Variants in MCHR2 observed in about 807,000 individuals in gnomAD.
MCHR2 encodes melanin-concentrating hormone receptor 2.
Under a neutral mutation model 24.8 loss-of-function variants are expected in MCHR2, and 15 were observed. That is an observed-to-expected ratio of 0.60 (90% confidence interval 0.40 to 0.93). The LOEUF (loss-of-function observed/expected upper bound fraction) is 0.93, where lower values mean the gene tolerates loss of function less well. MCHR2 is among the 40% of genes least tolerant of loss of function. MCHR2 has a pLI of 0.00. For missense variants in MCHR2, 386 were observed against 408.7 expected, an observed-to-expected ratio of 0.94 and a Z score of 0.48; for synonymous variants, 151 against 147.6, an observed-to-expected ratio of 1.02 and a Z score of -0.17.
intron 1 of MCHR2, among the ~76,000 whole-genome samples, chr6:99,970,957 T>G (rs1016982933): frequency 3.7e-4 from 56 of 152,328 alleles, no homozygotes; most frequent in African/African-American, 1.1e-3. Context: ...CTGTTTTGGT[T>G]ACTGTAGCCT....
chr6:99,953,945 G>A lies in MCHR2; in HGVS notation c.182+2021C>T, dbSNP rs182741578. 4.6e-5 allele frequency among the ~76,000 whole-genome samples: 7 copies of A among 152,172 alleles called. No homozygotes were observed. The East Asian group carries it at 1.4e-3, about 29-fold the overall frequency. On this transcript the variant is annotated intron_variant, in intron 2 of 5. Transcript: ENST00000281806. ...CTCTACTTCTAACTGCAGAGATAGC[G>A]AAACTGAAGGTTTGAGAGAGGGCTG...
In MCHR2 at chr6:99,971,702, A is replaced by G. The variant is rs573919410; in HGVS notation, c.-27-15528T>C. 3.9e-5 allele frequency among the ~76,000 whole-genome samples: 6 copies of G among 152,320 alleles called. No homozygotes were observed. In the East Asian group the frequency reaches 1.2e-3, roughly 29 times the overall value. On this transcript the variant is annotated intron_variant, in intron 1 of 5. Coordinates refer to ENST00000281806, the MANE Select transcript of MCHR2 (RefSeq NM_001040179.2). Reference sequence around the variant, plus strand: ...ACATGATATTTGCTGTGGGCTTGTCATAGATAGCTCTTATGATTTTGAGAT... The same window carrying G: ...ACATGATATTTGCTGTGGGCTTGTCGTAGATAGCTCTTATGATTTTGAGAT...
intron 1 of MCHR2, among the ~76,000 whole-genome samples, chr6:99,983,647 C>T (rs972783255): frequency 2.2e-4 from 34 of 152,124 alleles, no homozygotes; most frequent in African/African-American, 8.0e-4. Context: ...AGTTGGTTTC[C>T]TGGCAACAAC....
chr6:99,943,850 G>A (rs1426025220), intron 3 of MCHR2, among the ~76,000 whole-genome samples: 2 of 152,124 alleles, frequency 1.3e-5, no homozygotes, highest in Non-Finnish European at 2.9e-5. Flanking sequence ...GGAAAACTTT[G>A]TCTCTGAACA....
At chr6:99,968,563 G>C (rs760865981) in intron 1 of MCHR2, among the ~76,000 whole-genome samples, 1 of 152,098 alleles carries the variant, frequency 6.6e-6, no homozygotes, top group African/African-American at 2.4e-5. Context: ...AATACACCAT[G>C]AGTTGGTGAT....
chr6:99,928,048 T>C (rs1383545733), intron 5 of MCHR2, among the ~76,000 whole-genome samples: 1 of 152,064 alleles, frequency 6.6e-6, no homozygotes, highest in Admixed American at 6.6e-5. Flanking sequence ...TAGCATGAAG[T>C]GTTGTTGAAT....
At chr6:99,935,722 C>T (rs573471525) in intron 4 of MCHR2, among the ~76,000 whole-genome samples, 1 of 151,922 alleles carries the variant, frequency 6.6e-6, no homozygotes, top group South Asian at 2.1e-4. Context: ...TGGATATAAA[C>T]CCAGTAGTGG....
rs199634770 is a variant in MCHR2 at position 99,947,862 on chromosome 6, C to G, written c.292G>C (p.Glu98Gln). The G allele has an allele frequency of 9.9e-6, 16 of 1,613,686 alleles. No homozygotes were observed. The highest frequency in any genetic ancestry group is 1.4e-5 in the Non-Finnish European group (16 of 1,179,818). The stretch of plus-strand genomic sequence containing the variant: ...CAGAGAGGCCCCCCAAACACCCACT[C>G]TCCCCCTCGGGCCCATTGGTGAATA... ...FLIHQWARGG[E>Q]WVFGGPLCTI... Residue 98 changes from glutamate (E) to glutamine (Q), a missense_variant, in exon 3 of 6, where the codon GAG becomes CAG. Glu to Gln is a conservative substitution (Grantham distance 29). Coordinates refer to ENST00000281806, the MANE Select transcript of MCHR2 (RefSeq NM_001040179.2).
chr6:99,952,703 CAAAT>C (rs908947678), intron 2 of MCHR2, among the ~76,000 whole-genome samples: 2 of 151,834 alleles, frequency 1.3e-5, no homozygotes, highest in African/African-American at 4.8e-5. Flanking sequence ...AATTCCTAGC[CAAAT>C]AAATAAATAA....
chr6:99,928,321 G>A (rs576138509), intron 5 of MCHR2, among the ~76,000 whole-genome samples: 66 of 152,148 alleles, frequency 4.3e-4, no homozygotes, highest in African/African-American at 1.3e-3. Context: ...GTTTCTGCCC[G>A]GCTTTGGTAT....
At chr6:99,933,736 A>G (rs1182882009) in intron 5 of MCHR2, among the ~76,000 whole-genome samples, 4 of 152,136 alleles carry the variant, frequency 2.6e-5, no homozygotes, top group Admixed American at 2.0e-4. Context: ...TATTTAAAAT[A>G]TAATGTTTAA....
chr6:99,962,084 T>C (rs1425245469), intron 1 of MCHR2, among the ~76,000 whole-genome samples: 1 of 152,184 alleles, frequency 6.6e-6, no homozygotes, highest in Non-Finnish European at 1.5e-5. Flanking sequence ...TAGCTTTGCT[T>C]TGGCATATCC....
At chr6:99,955,598 C>T (rs1012413304) in intron 2 of MCHR2, among the ~76,000 whole-genome samples, 3 of 152,048 alleles carry the variant, frequency 2.0e-5, no homozygotes, top group South Asian at 2.1e-4. Context: ...AAATCTTACC[C>T]GGGCCCTACC....
intron 1 of MCHR2, among the ~76,000 whole-genome samples, chr6:99,973,932 G>T (rs1775493056): frequency 6.6e-6 from 1 of 152,226 alleles, no homozygotes. Context: ...GAGATCCACT[G>T]TTAATCTGAT....
chr6:99,964,839 C>G (rs934951857), intron 1 of MCHR2, among the ~76,000 whole-genome samples: 2 of 152,056 alleles, frequency 1.3e-5, no homozygotes, highest in Non-Finnish European at 2.9e-5. Context: ...ACTCTAGGTA[C>G]ACACGATAAC....
At chr6:99,958,320 TACATAC>T (rs1775108247) in intron 1 of MCHR2, among the ~76,000 whole-genome samples, 2 of 152,112 alleles carry the variant, frequency 1.3e-5, no homozygotes, top group African/African-American at 4.8e-5. Context: ...ATATATATTA[TACATAC>T]ACATATACAT....
At chr6:99,929,264 G>A (rs969940959) in intron 5 of MCHR2, among the ~76,000 whole-genome samples, 1 of 151,932 alleles carries the variant, frequency 6.6e-6, no homozygotes, top group African/African-American at 2.4e-5. Flanking sequence ...CCAAGTATGT[G>A]GTCAATTTTG....
Position 99,952,010 on chromosome 6 carries a change from A to G in MCHR2, c.182+3956T>C, listed in dbSNP as rs143378667. 4.3e-3 allele frequency among the ~76,000 whole-genome samples: 662 copies of G among 152,236 alleles called. 9 individuals carry two copies. Among genetic ancestry groups the G allele is most frequent in the African/African-American group, 0.015 (637 of 41,550 alleles). ...AGGGAGTCTGTCAGTAAACAGAAGA[A>G]AGATGTGTTCAGAAGGTAGATGTGG... On this transcript the variant is annotated intron_variant, in intron 2 of 5. Transcript: ENST00000281806.
At position 99,920,728 on chromosome 6, in the gene MCHR2, C is replaced by T; in HGVS notation, c.*212G>A. ...CCTGGGTATCTCAGACTATCCCATT[C>T]CCTACCCACAATATAGATCAACATT... is the stretch of plus-strand genomic sequence containing the variant. On this transcript the variant is annotated 3_prime_UTR_variant, in exon 6 of 6. Coordinates refer to ENST00000281806, the MANE Select transcript of MCHR2 (RefSeq NM_001040179.2). 1 of 549,626 alleles carries T rather than the reference C, an allele frequency of 1.8e-6. No individual in the cohort carries two copies. Among genetic ancestry groups the T allele is most frequent in the Non-Finnish European group, 3.2e-6 (1 of 308,150 alleles). 34.0% of individuals were successfully genotyped at this position (549,626 alleles called of 1,614,324 possible).
Sources: gnomAD v4.1 joint callset for allele counts (sites outside exome capture counted in the v4.1 genomes callset) on GRCh38, gnomAD v4.1.1 for gene constraint, MANE v1.5 for transcripts, NCBI Gene and HGNC (gene_info 2026-07-23, HGNC 2026-07-21) for gene names.